Variants in ATP9B observed in about 807,000 individuals in gnomAD.
ATP9B encodes probable phospholipid-transporting ATPase IIB.
Under a neutral mutation model 146.1 loss-of-function variants are expected in ATP9B, and 110 were observed. The ratio of observed to expected loss-of-function variants is 0.75; its 90% confidence interval spans 0.65 to 0.88. The LOEUF is 0.88. Among genes scored for constraint, ATP9B ranks in the 40% least tolerant of loss-of-function variants. The pLI is 0.00. For synonymous variants in ATP9B, 604 were observed against 569.7 expected (o/e 1.06, Z -0.86); for missense variants, 1,499 against 1,496.4 (o/e 1.00, Z -0.03).
At position 79,329,236 on chromosome 18, in the gene ATP9B, C is replaced by T; in HGVS notation, c.1869C>T (p.Leu623=). 6.2e-7 allele frequency: 1 copy of T among 1,612,962 alleles called. No homozygotes were observed. The highest frequency in any genetic ancestry group is 8.5e-7 in the Non-Finnish European group (1 of 1,179,820). ...TGAAGACCCCCAGTGGCCAGGTCCT[C>T]AGCTTCTGCATTCTGCAGCTGTTTC... ...MQLKTPSGQV[L]SFCILQLFPF... Residue 623 remains leucine (L), a synonymous_variant, in exon 16 of 30, where the codon CTC becomes CTT. Coordinates refer to ENST00000426216, the MANE Select transcript of ATP9B (RefSeq NM_198531.5).
intron 26 of ATP9B, chr18:79,372,572 G>T (rs1277194481): frequency 4.8e-6 from 3 of 629,552 alleles, no homozygotes; most frequent in Non-Finnish European, 8.9e-6. Context: ...CAACAAGACG[G>T]CAGGTCAAAC....
rs1287186222 is a variant in ATP9B at position 79,375,409 on chromosome 18, C to T, written c.3290C>T (p.Ser1097Phe). ...LNEYFGIGRV[S>F]FGAFLDVAFI... The stretch of plus-strand genomic sequence containing the variant: ...TTTGGAACAGGTATAGGCAGAGTGT[C>T]TTTTGGAGCTTTCTTAGGTAGGTAA... The change falls in exon 29 of 30, where the codon TCT (serine) becomes TTT (phenylalanine). Residue 1097 changes from serine to phenylalanine, a missense_variant. Transcript: ENST00000426216. 4 of 1,612,848 alleles carry T rather than the reference C, an allele frequency of 2.5e-6. No individual in the cohort carries two copies. In the Middle Eastern group the frequency reaches 6.6e-4, roughly 266 times the overall value.
chr18:79,354,886 G>A (rs2096942433), intron 25 of ATP9B, among the ~76,000 whole-genome samples: 2 of 152,256 alleles, frequency 1.3e-5, no homozygotes, highest in East Asian at 3.8e-4. Flanking sequence ...AGGGGCACCA[G>A]GAAGACAGAT....
At chr18:79,206,088 C>A (rs1166081092) in intron 9 of ATP9B, among the ~76,000 whole-genome samples, 1 of 151,916 alleles carries the variant, frequency 6.6e-6, no homozygotes, top group African/African-American at 2.4e-5. Flanking sequence ...CTACAGGTGC[C>A]CGCCACCATG....
intron 7 of ATP9B, among the ~76,000 whole-genome samples, chr18:79,173,389 C>G (rs1214851314): frequency 9.5e-5 from 14 of 148,142 alleles, no homozygotes; most frequent in Admixed American, 9.4e-4. Flanking sequence ...TGTTTAGGAA[C>G]TCATCTTCCA....
chr18:79,166,146 G>C (rs927559912), intron 7 of ATP9B, among the ~76,000 whole-genome samples: 1 of 152,194 alleles, frequency 6.6e-6, no homozygotes, highest in Non-Finnish European at 1.5e-5. Flanking sequence ...TACAGACTTT[G>C]TTTGAAAAAT....
chr18:79,369,953 G>A (rs960808636), intron 26 of ATP9B, among the ~76,000 whole-genome samples: 5 of 152,118 alleles, frequency 3.3e-5, no homozygotes, highest in African/African-American at 9.7e-5. Context: ...ACAAAAATTA[G>A]CAGGGTGTGG....
chr18:79,097,526 T>TC (rs1178331814), intron 2 of ATP9B, among the ~76,000 whole-genome samples: 1 of 74,268 alleles, frequency 1.3e-5, no homozygotes, highest in Non-Finnish European at 2.5e-5. Flanking sequence ...CCCTCCCCCC[T>TC]CCCCCCTCCC....
intron 7 of ATP9B, among the ~76,000 whole-genome samples, chr18:79,157,207 T>TACACAC (rs147810207): frequency 0.04 from 5,387 of 135,280 alleles, 199 homozygotes; most frequent in African/African-American, 0.097. Context: ...CTAAAAAAAA[T>TACACAC]ACACACACAC....
At chr18:79,318,170 G>A (rs569985848) in intron 15 of ATP9B, among the ~76,000 whole-genome samples, 4 of 152,360 alleles carry the variant, frequency 2.6e-5, no homozygotes, top group Admixed American at 6.5e-5. Flanking sequence ...TACTGAACCC[G>A]CAGGTTGGGG....
intron 5 of ATP9B, among the ~76,000 whole-genome samples, chr18:79,129,899 A>G (rs1020308959): frequency 2.6e-5 from 4 of 152,038 alleles, no homozygotes; most frequent in African/African-American, 9.7e-5. Flanking sequence ...ATGCGCCACC[A>G]TGCCCGGCTA....
rs2096832015 is a variant in ATP9B, at chr18:79,337,154, A to T, written c.2113-125A>T. 4 of 1,263,068 alleles carry T rather than the reference A, an allele frequency of 3.2e-6. No homozygotes were observed. The East Asian group carries it at 9.5e-5, about 30-fold the overall frequency. The allele number at this position is 1,263,068 out of a possible 1,614,324, so 78.2% of individuals were successfully genotyped here. On this transcript the variant is annotated intron_variant, in intron 18 of 29. Coordinates refer to ENST00000426216, the MANE Select transcript of ATP9B (RefSeq NM_198531.5). ...GTCCAGCTCTGTGGAGTACACACAC[A>T]GCACGTACACGTGTGCACATAGTCA...
rs1473197126 is a variant in ATP9B, at chr18:79,253,808, G to T, written c.1268+267G>T. 1.3e-5 allele frequency: 4 copies of T among 312,382 alleles called. No individual in the cohort carries two copies. The Admixed American group carries it at 1.5e-4, about 11-fold the overall frequency. The allele number at this position is 312,382 out of a possible 1,614,324, so 19.4% of individuals were successfully genotyped here. A position where few individuals can be genotyped will look rare whatever the true frequency, so the allele number is the denominator to read the frequency against. On this transcript the variant is annotated intron_variant, in intron 12 of 29. Transcript: ENST00000426216. ...CTTCAACAATCAGAAGATATTTCCT[G>T]ATGAAACATAAACCAGAATTTCACA...
intron 5 of ATP9B, among the ~76,000 whole-genome samples, chr18:79,139,096 G>T (rs188958052): frequency 6.6e-6 from 1 of 152,068 alleles, no homozygotes; most frequent in Admixed American, 6.6e-5. Context: ...CTCATACCTT[G>T]TGTGTGTGTG....
At chr18:79,316,146 A>G (rs1385697310) in intron 15 of ATP9B, among the ~76,000 whole-genome samples, 1 of 152,168 alleles carries the variant, frequency 6.6e-6, no homozygotes, top group East Asian at 1.9e-4. Context: ...TACGGACACA[A>G]TCGCTTTGAA....
At chr18:79,315,230 G>A (rs2096672837) in intron 15 of ATP9B, among the ~76,000 whole-genome samples, 1 of 152,190 alleles carries the variant, frequency 6.6e-6, no homozygotes, top group African/African-American at 2.4e-5. Context: ...AATGCATGAG[G>A]CGTGCTGTAT....
intron 17 of ATP9B, among the ~76,000 whole-genome samples, chr18:79,331,478 A>C (rs917634486): frequency 2.6e-5 from 4 of 152,248 alleles, no homozygotes; most frequent in African/African-American, 9.6e-5. Context: ...TTTCACAAAG[A>C]TAACTTTATT....
chr18:79,171,407 A>G (rs528047399), intron 7 of ATP9B, among the ~76,000 whole-genome samples: 5 of 152,342 alleles, frequency 3.3e-5, no homozygotes, highest in African/African-American at 4.8e-5. Flanking sequence ...TTGCAGTTCT[A>G]TTAGCAACCT....
chr18:79,186,560 C>G (rs1022126094), intron 8 of ATP9B, among the ~76,000 whole-genome samples: 5 of 152,122 alleles, frequency 3.3e-5, no homozygotes, highest in Non-Finnish European at 7.3e-5. Flanking sequence ...ATTACTGTGA[C>G]AGTGTCATAT....
Sources: gnomAD v4.1 joint callset for allele counts (sites outside exome capture counted in the v4.1 genomes callset) on GRCh38, gnomAD v4.1.1 for gene constraint, MANE v1.5 for transcripts, NCBI Gene and HGNC (gene_info 2026-07-23, HGNC 2026-07-21) for gene names.